Variants in SLC17A9 observed in about 807,000 individuals in gnomAD.
The protein encoded by SLC17A9 is voltage-gated purine nucleotide uniporter SLC17A9.
A neutral mutation model predicts 55.0 loss-of-function variants in SLC17A9; 49 were observed. The ratio of observed to expected loss-of-function variants is 0.89; its 90% CI spans 0.71 to 1.13. SLC17A9 has a LOEUF of 1.13. Among genes scored for constraint, SLC17A9 ranks in the 50% most tolerant of loss-of-function variants. The probability of loss-of-function intolerance (pLI) is 0.00; values close to 1 mark genes in which losing one functional copy is unlikely to be tolerated. For missense variants in SLC17A9, 526 were observed against 569.3 expected (o/e 0.92, Z 0.77); for synonymous variants, 256 against 247.4 (o/e 1.03, Z -0.32).
chr20:62,961,396 A>ATGC (rs1420567631), intron 4 of SLC17A9, among the ~76,000 whole-genome samples: 1 of 152,014 alleles, frequency 6.6e-6, no homozygotes, highest in Admixed American at 6.5e-5. Context: ...CTCATCCACG[A>ATGC]TGCGGCAACC....
At chr20:62,955,471 TG>T (rs1258891543) in intron 1 of SLC17A9, among the ~76,000 whole-genome samples, 4 of 152,168 alleles carry the variant, frequency 2.6e-5, no homozygotes, top group South Asian at 2.1e-4. Context: ...AGTTTTTTTT[TG>T]TTTTGTTTTG....
rs1215352459 is a variant in SLC17A9, at chr20:62,966,614, C to A, written c.1117+34C>A. On this transcript the variant is annotated intron_variant, in intron 11 of 12. Coordinates refer to ENST00000370351, the MANE Select transcript of SLC17A9 (RefSeq NM_022082.4). Reference sequence around the variant, plus strand: ...CTTGCCTTACCCCAGCTTTGCCCCTCCCTGGGCCTCCGGGTGGGTGAGCCA... The same window carrying A: ...CTTGCCTTACCCCAGCTTTGCCCCTACCTGGGCCTCCGGGTGGGTGAGCCA... 5.6e-6 allele frequency: 9 copies of A among 1,613,862 alleles called. No homozygotes were observed. The South Asian group carries it at 9.9e-5, about 18-fold the overall frequency.
At position 62,965,703 on chromosome 20, in the gene SLC17A9, G is replaced by C. The variant is rs780375409; in HGVS notation, c.1039G>C (p.Gly347Arg). Residue 347 changes from glycine to arginine, a missense_variant, in exon 10 of 13, where the codon GGC becomes CGC. Transcript: ENST00000370351. ...ESVVFASASI[G>R]LQTFNHSGIS... ...TGTGGTCTTTGCATCAGCCTCCATC[G>C]GCCTCCAGACCTTCAACCACAGGTG... 1 of 1,613,694 alleles carries C rather than the reference G, an allele frequency of 6.2e-7. No individual in the cohort carries two copies. The highest frequency in any genetic ancestry group is 8.5e-7 in the Non-Finnish European group (1 of 1,180,000).
At chr20:62,953,529 C>A (rs1269737485) in intron 1 of SLC17A9, among the ~76,000 whole-genome samples, 3 of 152,216 alleles carry the variant, frequency 2.0e-5, no homozygotes, top group African/African-American at 7.2e-5. Context: ...AGGGCCTCTG[C>A]CAGGGAGCTC....
At chr20:62,954,007 G>A (rs977449209) in intron 1 of SLC17A9, among the ~76,000 whole-genome samples, 35 of 152,222 alleles carry the variant, frequency 2.3e-4, no homozygotes, top group African/African-American at 7.0e-4. Flanking sequence ...CCTCACTGGC[G>A]GCTGGTTTGA....
chr20:62,966,676 T>C (rs2065642987), intron 11 of SLC17A9, 27 bp from the exon 12 acceptor site: 2 of 1,613,732 alleles, frequency 1.2e-6, no homozygotes, highest in Non-Finnish European at 1.7e-6. Context: ...ACCATCCATA[T>C]TCTCTCTCGC....
Position 62,965,148 on chromosome 20 carries a change from G to C in SLC17A9, c.927G>C (p.Thr309=), listed in dbSNP as rs370727216. ...HLINQGYRAI[T]VRKLMQGMGL... is the part of the protein sequence containing the mutation. ...CCCCTGTAGGTTACAGAGCCATCAC[G>C]GTGCGGAAGCTCATGCAGGTAGGAG... The change falls in exon 9 of 13, where the codon ACG becomes ACC. Residue 309 remains threonine (T), a synonymous_variant. Transcript: ENST00000370351. 6.8e-6 allele frequency: 11 copies of C among 1,614,122 alleles called. No individual in the cohort carries two copies. Among genetic ancestry groups the C allele is most frequent in the Middle Eastern group, 1.7e-4 (1 of 6,060 alleles).
intron 1 of SLC17A9, 48 bp downstream of exon 1, chr20:62,952,937 C>G: frequency 7.0e-7 from 1 of 1,427,434 alleles, no homozygotes; most frequent in South Asian, 1.4e-5. Context: ...GGAGATGGGG[C>G]CGTGGGGAGG....
At chr20:62,964,358 G>A (rs1190264914) in intron 8 of SLC17A9, 43 bp downstream of exon 8, 9 of 1,598,048 alleles carry the variant, frequency 5.6e-6, no homozygotes, top group South Asian at 1.1e-5. Flanking sequence ...CCACACCCTG[G>A]TTCACCTCGC....
chr20:62,953,136 G>A (rs766418856), intron 1 of SLC17A9: 4 of 1,506,618 alleles, frequency 2.7e-6, no homozygotes, highest in Non-Finnish European at 3.6e-6. Flanking sequence ...TGTTCCTGGG[G>A]CTCTTCCAGG....
intron 3 of SLC17A9, among the ~76,000 whole-genome samples, chr20:62,959,615 G>A (rs1397535575): frequency 1.3e-5 from 2 of 152,228 alleles, no homozygotes; most frequent in African/African-American, 2.4e-5. Context: ...CAGGAGCTCC[G>A]CCAGGCGGCC....
chr20:62,954,323 A>G (rs367671425), intron 1 of SLC17A9, among the ~76,000 whole-genome samples: 16 of 152,294 alleles, frequency 1.1e-4, no homozygotes, highest in African/African-American at 3.8e-4. Flanking sequence ...GCCAGGCGAG[A>G]ACAGAGCTGG....
At chr20:62,965,493 C>A in intron 9 of SLC17A9, 117 bp from the exon 10 acceptor site, 1 of 982,138 alleles carries the variant, frequency 1.0e-6, no homozygotes, top group Non-Finnish European at 1.6e-6. Context: ...TTTGTGGTCG[C>A]AGCCAACCTG....
At chr20:62,964,099 A>T in intron 7 of SLC17A9, 129 bp from the exon 8 acceptor site, 1 of 885,734 alleles carries the variant, frequency 1.1e-6, no homozygotes, top group South Asian at 1.4e-5. Flanking sequence ...TCCCAGGAGC[A>T]GGGCTGGCCC....
chr20:62,966,808 G>A (rs765781576), intron 12 of SLC17A9, 76 bp downstream of exon 12: 3 of 1,555,818 alleles, frequency 1.9e-6, no homozygotes, highest in African/African-American at 2.8e-5. Context: ...GCAGGGTGGG[G>A]TTGTGCCTCC....
intron 3 of SLC17A9, among the ~76,000 whole-genome samples, chr20:62,959,430 T>C (rs2427460): frequency 0.44 from 66,708 of 152,192 alleles, 16,204 homozygotes; most frequent in East Asian, 0.76. Flanking sequence ...CCTGTGCCCA[T>C]GAGCCTACTC....
rs768717591 is a variant in SLC17A9 at position 62,967,394 on chromosome 20, G to A, written c.1205G>A (p.Cys402Tyr). The A allele has an allele frequency of 9.3e-6, 15 of 1,614,072 alleles. No individual in the cohort carries two copies. The highest frequency in any genetic ancestry group is 6.7e-5 in the Admixed American group (4 of 60,002). The change falls in exon 13 of 13, where the codon TGC becomes TAC. Residue 402 changes from cysteine to tyrosine, a missense_variant. Physicochemically the swap from Cys to Tyr is radical, Grantham distance 194. Coordinates refer to ENST00000370351, the MANE Select transcript of SLC17A9 (RefSeq NM_022082.4). The part of the protein sequence containing the change: ...YLMETTGSWT[C>Y]LFNLVAIISN... ...ATGGAGACCACGGGCTCCTGGACTT[G>A]CCTGTTCAACCTTGTGGCCATCATC...
rs376816067 is a variant in SLC17A9, at chr20:62,965,725, G to T, written c.1061G>T (p.Ser354Ile). Reference sequence around the variant, plus strand: ...ATCGGCCTCCAGACCTTCAACCACAGGTGAGGGCCGACTGCTCCATCCACC... The same window carrying T: ...ATCGGCCTCCAGACCTTCAACCACATGTGAGGGCCGACTGCTCCATCCACC... ...ASIGLQTFNH[S>I]GISVNIQDLA... The change falls in exon 10 of 13, where the codon AGT becomes ATT. Residue 354 changes from serine (S) to isoleucine (I), a missense_variant and splice_region_variant. Physicochemically the swap from Ser to Ile is moderately radical, Grantham distance 142. Transcript: ENST00000370351. The T allele has an allele frequency of 6.8e-6, 11 of 1,613,454 alleles. No individual in the cohort carries two copies. Among genetic ancestry groups the T allele is most frequent in the Non-Finnish European group, 9.3e-6 (11 of 1,179,914 alleles).
In SLC17A9 at chr20:62,952,788, C is replaced by G. The variant is rs1034568364; in HGVS notation, c.-43C>G. 4 of 1,528,500 alleles carry G rather than the reference C, an allele frequency of 2.6e-6. No homozygotes were observed. The highest frequency in any genetic ancestry group is 3.5e-6 in the Non-Finnish European group (4 of 1,141,912). The allele number at this position is 1,528,500 out of a possible 1,614,324, so 94.7% of individuals were successfully genotyped here. A position where few individuals can be genotyped will look rare whatever the true frequency, so the allele number is the denominator to read the frequency against. The stretch of plus-strand genomic sequence containing the variant: ...GTCAGCCTGGGCTGGGAGGCAGCCC[C>G]GGGACACAGCTGTGCCCACGCCGTC... On this transcript the variant is annotated 5_prime_UTR_variant, in exon 1 of 13. Transcript: ENST00000370351.
Sources: allele counts gnomAD v4.1 joint callset (sites outside exome capture counted in the v4.1 genomes callset), GRCh38; gene constraint gnomAD v4.1.1; transcripts MANE v1.5; gene names NCBI Gene and HGNC (gene_info 2026-07-23, HGNC 2026-07-21).